The following IFT81 variants were observed in gnomAD, a reference collection of about 807,000 sequenced individuals.
IFT81 encodes intraflagellar transport protein 81 homolog.
In IFT81, 72 loss-of-function variants were observed where a neutral mutation model predicts 102.6. The ratio of observed to expected loss-of-function variants is 0.70; its 90% CI spans 0.58 to 0.85. The LOEUF is 0.85. IFT81 is among the 40% of genes least tolerant of loss of function. The pLI, the probability that IFT81 is intolerant of heterozygous loss-of-function variation, is 0.00. For missense variants in IFT81, 723 were observed against 787.3 expected, an observed-to-expected ratio of 0.92 and a Z score of 0.98; for synonymous variants, 237 against 242.7, an observed-to-expected ratio of 0.98 and a Z score of 0.22.
At chr12:110,180,843 A>C (rs982543181) in intron 12 of IFT81, among the ~76,000 whole-genome samples, 3 of 152,212 alleles carry the variant, frequency 2.0e-5, no homozygotes, top group African/African-American at 7.2e-5. Context: ...TAATATGAGT[A>C]AAATTATCAT....
intron 10 of IFT81, among the ~76,000 whole-genome samples, chr12:110,156,139 A>G (rs1374750370): frequency 6.6e-6 from 1 of 152,262 alleles, no homozygotes; most frequent in Non-Finnish European, 1.5e-5. Flanking sequence ...CTTAAATTAT[A>G]TACAAAACAA....
chr12:110,177,473 G>A (rs1006220033), intron 11 of IFT81, among the ~76,000 whole-genome samples: 8 of 152,068 alleles, frequency 5.3e-5, no homozygotes, highest in African/African-American at 2.4e-5. Flanking sequence ...TAGTAGGGAC[G>A]GAGTTTGGCC....
chr12:110,201,791 C>T (rs918690025), intron 14 of IFT81, among the ~76,000 whole-genome samples: 2 of 152,020 alleles, frequency 1.3e-5, no homozygotes, highest in Non-Finnish European at 1.5e-5. Flanking sequence ...AAGACACACA[C>T]CTAGGCCTAC....
intron 10 of IFT81, among the ~76,000 whole-genome samples, chr12:110,153,003 A>G (rs1453414806): frequency 6.6e-6 from 1 of 152,148 alleles, no homozygotes; most frequent in Non-Finnish European, 1.5e-5. Context: ...AAAGTTTTAA[A>G]TTCTCATGAA....
chr12:110,205,692 TG>T lies in IFT81; in HGVS notation c.1802+13del, dbSNP rs1868535211. The T allele has an allele frequency of 1.3e-6, 2 of 1,539,352 alleles. No homozygotes were observed. The highest frequency in any genetic ancestry group is 2.8e-5 in the African/African-American group (2 of 72,416). ...AGAAAGGCAATTAGGCAAGTGATTT[TG>T]TTGTTTTATATTGAGATACTTAATA... On this transcript the variant is annotated intron_variant, in intron 17 of 18. Coordinates refer to ENST00000242591, the MANE Select transcript of IFT81 (RefSeq NM_014055.4).
intron 18 of IFT81, 59 bp downstream of exon 18, chr12:110,209,275 T>C: frequency 2.5e-6 from 2 of 785,802 alleles, no homozygotes; most frequent in Non-Finnish European, 2.1e-6. Flanking sequence ...TTCAGTACTG[T>C]ACATGGTTTA....
intron 11 of IFT81, among the ~76,000 whole-genome samples, chr12:110,166,430 A>G (rs1290217948): frequency 6.6e-6 from 1 of 152,190 alleles, no homozygotes; most frequent in African/African-American, 2.4e-5. Context: ...AGTCTTGAGC[A>G]CTTAAAAAAT....
At chr12:110,162,331 CTTTTTTTTTTTT>C (rs1160267123) in intron 10 of IFT81, 4 of 100,078 alleles carry the variant, frequency 4.0e-5, no homozygotes, top group African/African-American at 1.7e-4. Context: ...TAATATTTTT[CTTTTTTTTTTTT>C]TTTTTTTTTC....
chr12:110,143,078 C>T (rs1364356774), intron 8 of IFT81, among the ~76,000 whole-genome samples: 1 of 151,996 alleles, frequency 6.6e-6, no homozygotes, highest in Non-Finnish European at 1.5e-5. Flanking sequence ...ATGTATCTGG[C>T]TCAGCACATG....
intron 18 of IFT81, among the ~76,000 whole-genome samples, chr12:110,214,523 T>C (rs1869845108): frequency 6.6e-6 from 1 of 152,046 alleles, no homozygotes; most frequent in Non-Finnish European, 1.5e-5. Context: ...CAACTGAGTT[T>C]CCCCCCTTCT....
chr12:110,202,713 A>G (rs1898356359), intron 14 of IFT81, among the ~76,000 whole-genome samples: 1 of 151,932 alleles, frequency 6.6e-6, no homozygotes, highest in African/African-American at 2.4e-5. Flanking sequence ...TGGCCTCCCA[A>G]AGTGCTTCAA....
intron 11 of IFT81, among the ~76,000 whole-genome samples, chr12:110,164,621 T>G (rs1361394871): frequency 6.6e-6 from 1 of 152,176 alleles, no homozygotes; most frequent in East Asian, 1.9e-4. Flanking sequence ...ATAGTACCAC[T>G]TTTCTCTGTG....
intron 17 of IFT81, among the ~76,000 whole-genome samples, chr12:110,206,267 GC>G (rs1013488302): frequency 8.6e-5 from 13 of 152,018 alleles, no homozygotes; most frequent in African/African-American, 1.9e-4. Flanking sequence ...CTTATATGGT[GC>G]TTTTTTTGCA....
chr12:110,136,892 T>A, intron 8 of IFT81, 32 bp downstream of exon 8: 1 of 1,257,576 alleles, frequency 8.0e-7, no homozygotes, highest in South Asian at 1.3e-5. Context: ...GTATAGATGA[T>A]TAGAAAATAT....
At chr12:110,206,240 G>A (rs7966591) in intron 17 of IFT81, among the ~76,000 whole-genome samples, 25,613 of 152,036 alleles carry the variant, frequency 0.17, 3,356 homozygotes, top group African/African-American at 0.37. Context: ...AGAAGGATAT[G>A]TAAATACTGC....
chr12:110,213,422 C>G (rs1394711684), intron 18 of IFT81, among the ~76,000 whole-genome samples: 1 of 152,118 alleles, frequency 6.6e-6, no homozygotes, highest in African/African-American at 2.4e-5. Context: ...GATCTAGAAG[C>G]TTGATTAAAT....
chr12:110,200,014 A>C (rs1898190652), intron 14 of IFT81, among the ~76,000 whole-genome samples: 1 of 152,204 alleles, frequency 6.6e-6, no homozygotes, highest in African/African-American at 2.4e-5. Context: ...CTGTGTTACC[A>C]AGACTGACCA....
At chr12:110,196,582 G>T (rs745306490) in intron 14 of IFT81, among the ~76,000 whole-genome samples, 1 of 152,058 alleles carries the variant, frequency 6.6e-6, no homozygotes, top group Non-Finnish European at 1.5e-5. Flanking sequence ...CAGGGTAATA[G>T]CACATGCTTA....
chr12:110,167,668 G>A (rs1433277050), intron 11 of IFT81, among the ~76,000 whole-genome samples: 1 of 151,954 alleles, frequency 6.6e-6, no homozygotes, highest in Non-Finnish European at 1.5e-5. Flanking sequence ...CACAAAAAAT[G>A]CCATGGAGAT....
Sources: gnomAD v4.1 joint callset for allele counts (sites outside exome capture counted in the v4.1 genomes callset) on GRCh38, gnomAD v4.1.1 for gene constraint, MANE v1.5 for transcripts, NCBI Gene and HGNC (gene_info 2026-07-23, HGNC 2026-07-21) for gene names.